DEDD2: variants seen among roughly 807,000 people sequenced by gnomAD.
The protein encoded by DEDD2 is death effector domain containing 2, also known as DNA-binding death effector domain-containing protein 2.
A neutral mutation model predicts 28.9 loss-of-function variants in DEDD2; 18 were observed. The observed-to-expected ratio is 0.62, with a 90% CI of 0.43 to 0.92. The LOEUF (loss-of-function observed/expected upper bound fraction) is 0.92, where lower values mean the gene tolerates loss of function less well. Ranked by LOEUF, DEDD2 falls within the 40% of genes least tolerant of loss-of-function variation. The pLI, the probability that DEDD2 is intolerant of heterozygous loss-of-function variation, is 0.00. For missense variants in DEDD2, 411 were observed against 463.3 expected (o/e 0.89, Z 1.04); for synonymous variants, 211 against 206.1 (o/e 1.02, Z -0.20).
chr19:42,204,410 C>A, intron 4 of DEDD2: 1 of 152,262 alleles, frequency 6.6e-6, no homozygotes, highest in Non-Finnish European at 1.5e-5. Context: ...TCTGGTATTT[C>A]CCGTGAGAGC....
rs777266738 is a variant in DEDD2 at position 42,199,622 on chromosome 19, T to C, written c.797A>G (p.Tyr266Cys). Residue 266 changes from tyrosine to cysteine, a missense_variant, in exon 5 of 5, where the codon TAC (tyrosine) becomes TGC (cysteine). Transcript: ENST00000596251. The surrounding 1 kb of genome is among the most constrained non-coding windows in gnomAD (Gnocchi z 7.4). Reference protein sequence around the residue: ...LSYLDAFWGDYLSGALLQALR... With the variant: ...LSYLDAFWGDCLSGALLQALR... ...GGCCTGCAGCAGGGCGCCACTCAGG[T>C]AGTCGCCCCAGAAGGCGTCCAGATA... is the stretch of plus-strand genomic sequence containing the variant. 6.2e-7 allele frequency: 1 copy of C among 1,614,106 alleles called. No individual in the cohort carries two copies.
chr19:42,205,963 T>C (rs1363680546), intron 4 of DEDD2, among the ~76,000 whole-genome samples: 2 of 151,864 alleles, frequency 1.3e-5, no homozygotes, highest in African/African-American at 4.8e-5. Flanking sequence ...ATCACGCTTG[T>C]AGTTCCAGCT....
chr19:42,217,528 AC>A (rs2036033378), intron 1 of DEDD2, 103 bp downstream of exon 1: 1 of 160,282 alleles, frequency 6.2e-6, no homozygotes, highest in African/African-American at 2.4e-5. Flanking sequence ...TACCGTCCGA[AC>A]CCGACCCCCT....
At chr19:42,215,401 G>T in intron 2 of DEDD2, 149 bp from the exon 3 acceptor site, 1 of 950,358 alleles carries the variant, frequency 1.1e-6, no homozygotes, top group Non-Finnish European at 1.6e-6. Context: ...TGCAGAGGTT[G>T]CTCAGATGCC....
At chr19:42,209,865 T>G in intron 3 of DEDD2, 25 bp from the exon 4 acceptor site, 1 of 1,504,656 alleles carries the variant, frequency 6.6e-7, no homozygotes, top group African/African-American at 1.4e-5. Flanking sequence ...ATGGGGCAAG[T>G]TGAGGACCAG....
At chr19:42,200,521 T>C (rs538315068) in intron 4 of DEDD2, among the ~76,000 whole-genome samples, 20 of 152,218 alleles carry the variant, frequency 1.3e-4, no homozygotes, top group Non-Finnish European at 2.6e-4. Flanking sequence ...GCACTGCGGA[T>C]GCGCAGGGTC....
intron 4 of DEDD2, 125 bp downstream of exon 4, chr19:42,209,575 G>T: frequency 7.5e-7 from 1 of 1,341,302 alleles, no homozygotes; most frequent in Non-Finnish European, 1.0e-6. Context: ...ATTCCACTGT[G>T]GTGAACGAGA....
At chr19:42,204,233 C>T (rs1045845176) in intron 4 of DEDD2, among the ~76,000 whole-genome samples, 3 of 152,154 alleles carry the variant, frequency 2.0e-5, no homozygotes, top group East Asian at 1.9e-4. Flanking sequence ...TCACTCAAGT[C>T]GTCTCTCTAA....
At chr19:42,218,493 T>G (rs2036065088), upstream of DEDD2, among the ~76,000 whole-genome samples, 1 of 152,030 alleles carries the variant, frequency 6.6e-6, no homozygotes, top group Non-Finnish European at 1.5e-5. Flanking sequence ...TTGCAACAAC[T>G]AGAGAGGGTC....
intron 4 of DEDD2, among the ~76,000 whole-genome samples, chr19:42,204,898 C>G (rs565040261): frequency 2.6e-4 from 39 of 152,296 alleles, no homozygotes; most frequent in African/African-American, 9.4e-4. Flanking sequence ...TTTTCAACTC[C>G]TACTGAGTTC....
chr19:42,211,427 CGGAGGGAG>C (rs368473453), intron 3 of DEDD2, among the ~76,000 whole-genome samples: 8 of 57,772 alleles, frequency 1.4e-4, no homozygotes, highest in East Asian at 5.2e-4. Flanking sequence ...GAGAGAGGGA[CGGAGGGAG>C]GGAGGGAGGG....
chr19:42,216,978 C>G lies in DEDD2; in HGVS notation c.30G>C (p.Pro10=), dbSNP rs1369924008. MALSGSTPA[P]CWEEDECLDY... ...CCAGGCACTCATCCTCCTCCCAGCACGGGGCCGGGGTCGACCCGGATAGCG... is the reference window on the plus strand; with the variant it reads ...CCAGGCACTCATCCTCCTCCCAGCAGGGGGCCGGGGTCGACCCGGATAGCG... The change falls in exon 2 of 5, where the codon CCG becomes CCC. Residue 10 remains proline, a synonymous_variant. Coordinates refer to ENST00000596251, the MANE Select transcript of DEDD2 (RefSeq NM_133328.4). 1 of 1,597,640 alleles carries G rather than the reference C, an allele frequency of 6.3e-7. No individual in the cohort carries two copies. The highest frequency in any genetic ancestry group is 1.7e-4 in the Middle Eastern group (1 of 6,044).
At chr19:42,211,317 C>T (rs1373372127) in intron 3 of DEDD2, among the ~76,000 whole-genome samples, 2 of 151,468 alleles carry the variant, frequency 1.3e-5, no homozygotes, top group Non-Finnish European at 2.9e-5. Context: ...CCCAGGAGAT[C>T]TAGGCTGCAG....
rs367605800 is a variant in DEDD2 at position 42,203,838 on chromosome 19, G to A, written c.590-4009C>T. ...GGCAGGGGAAGGGTCACAAATGGCTGTCCAGGATGGGAGCAGTAGACATGG... is the reference window on the plus strand; with the variant it reads ...GGCAGGGGAAGGGTCACAAATGGCTATCCAGGATGGGAGCAGTAGACATGG... On this transcript the variant is annotated intron_variant, in intron 4 of 4. Transcript: ENST00000596251. 3.9e-5 allele frequency among the ~76,000 whole-genome samples: 6 copies of A among 152,234 alleles called. No individual in the cohort carries two copies. In the South Asian group the frequency reaches 1.2e-3, roughly 31 times the overall value.
In DEDD2 at chr19:42,199,756, C is replaced by T. The variant is rs748889716; in HGVS notation, c.663G>A (p.Arg221=). The T allele has an allele frequency of 4.3e-6, 7 of 1,612,044 alleles. No individual in the cohort carries two copies. The highest frequency in any genetic ancestry group is 5.9e-6 in the Non-Finnish European group (7 of 1,179,004). ...PALEQGVASR[R]PQALARQLDV... is the part of the protein sequence containing the mutation. The stretch of plus-strand genomic sequence containing the variant: ...CCAGCTGCCGCGCCAGCGCCTGGGG[C>T]CGCCGGGATGCCACGCCCTGCTCCA... The change falls in exon 5 of 5, where the codon CGG becomes CGA. Residue 221 remains arginine (R), a synonymous_variant. Coordinates refer to ENST00000596251, the MANE Select transcript of DEDD2 (RefSeq NM_133328.4). The surrounding 1 kb of genome is among the most constrained non-coding windows in gnomAD (Gnocchi z 7.4).
chr19:42,201,442 T>C (rs1292018947), intron 4 of DEDD2, among the ~76,000 whole-genome samples: 5 of 152,164 alleles, frequency 3.3e-5, no homozygotes, highest in African/African-American at 1.2e-4. Context: ...GTCCAAGGGG[T>C]GCTCCCAGAA....
intron 3 of DEDD2, 30 bp downstream of exon 3, chr19:42,215,103 C>G: frequency 6.2e-7 from 1 of 1,612,218 alleles, no homozygotes; most frequent in Non-Finnish European, 8.5e-7. Flanking sequence ...AAGAGGGATG[C>G]TGCCATTACA....
At chr19:42,210,138 G>C (rs1448505929) in intron 3 of DEDD2, among the ~76,000 whole-genome samples, 1 of 152,108 alleles carries the variant, frequency 6.6e-6, no homozygotes, top group Admixed American at 6.5e-5. Flanking sequence ...CCAGGGCATT[G>C]TTTATCATGA....
At chr19:42,204,009 G>A (rs765365441) in intron 4 of DEDD2, among the ~76,000 whole-genome samples, 2 of 152,228 alleles carry the variant, frequency 1.3e-5, no homozygotes, top group Non-Finnish European at 2.9e-5. Context: ...GGAGGGTGGG[G>A]GGCAGGTGCC....
Sources: allele counts gnomAD v4.1 joint callset (sites outside exome capture counted in the v4.1 genomes callset), GRCh38; gene constraint gnomAD v4.1.1; non-coding constraint Gnocchi (gnomAD v3.1); transcripts MANE v1.5; gene names NCBI Gene and HGNC (gene_info 2026-07-23, HGNC 2026-07-21).